UBTD2: variants seen among roughly 807,000 people sequenced by gnomAD.
UBTD2 encodes the protein ubiquitin domain-containing protein 2.
In UBTD2, 9 loss-of-function variants were observed where a neutral mutation model predicts 19.8. The ratio of observed to expected loss-of-function variants is 0.46; its 90% CI spans 0.27 to 0.79. The LOEUF is 0.79. Among genes scored for constraint, UBTD2 ranks in the 30% least tolerant of loss-of-function variants. The pLI, the probability that UBTD2 is intolerant of heterozygous loss-of-function variation, is 0.14. For synonymous variants in UBTD2, 98 were observed against 103.9 expected (o/e 0.94, Z 0.35); for missense variants, 250 against 300.4 (o/e 0.83, Z 1.24).
Position 172,211,905 on chromosome 5 carries a change from C to T in UBTD2, c.630G>A (p.Leu210=), listed in dbSNP as rs140458958. The change falls in exon 3 of 3, where the codon CTG becomes CTA. Residue 210 remains leucine, a synonymous_variant. Transcript: ENST00000393792. ...GTACAACATAGTCCTTTGGGATCTTCAGCTCTTCGAACTTCATTTTGTCAG... is the reference window on the plus strand; with the variant it reads ...GTACAACATAGTCCTTTGGGATCTTTAGCTCTTCGAACTTCATTTTGTCAG... ...PLTDKMKFEE[L]KIPKDYVVQV... 6.1e-4 allele frequency: 977 copies of T among 1,614,108 alleles called. No homozygotes were observed. The highest frequency in any genetic ancestry group is 7.8e-4 in the Non-Finnish European group (926 of 1,180,052).
At chr5:172,252,850 T>C (rs1209057645) in intron 1 of UBTD2, among the ~76,000 whole-genome samples, 1 of 152,196 alleles carries the variant, frequency 6.6e-6, no homozygotes, top group African/African-American at 2.4e-5. Flanking sequence ...TATTGGTATT[T>C]TGGCTTGTGC....
At chr5:172,265,063 T>G (rs1019777027) in intron 1 of UBTD2, among the ~76,000 whole-genome samples, 6 of 152,232 alleles carry the variant, frequency 3.9e-5, no homozygotes, top group Admixed American at 1.3e-4. Flanking sequence ...GAATAGGCTA[T>G]ACATGCAATT....
Position 172,234,156 on chromosome 5 carries a change from T to C in UBTD2, c.273A>G (p.Ala91=), listed in dbSNP as rs199964732. The C allele has an allele frequency of 7.4e-6, 12 of 1,614,180 alleles. No homozygotes were observed. The African/African-American group carries it at 1.5e-4, about 20-fold the overall frequency. ...ATGTTATGTTTGCACCATCAATGAT[T>C]GCTTGTGCCAGTTCATGATCATTGC... ...FESNDHELAQ[A]IIDGANITLP... The change falls in exon 2 of 3, where the codon GCA becomes GCG. Residue 91 remains alanine, a synonymous_variant. Coordinates refer to ENST00000393792, the MANE Select transcript of UBTD2 (RefSeq NM_152277.3).
chr5:172,280,488 C>T (rs1479671772), intron 1 of UBTD2, among the ~76,000 whole-genome samples: 3 of 133,344 alleles, frequency 2.2e-5, no homozygotes, highest in African/African-American at 8.5e-5. Flanking sequence ...GCAGCCTGGG[C>T]GACAGAGCAA....
intron 2 of UBTD2, among the ~76,000 whole-genome samples, chr5:172,227,424 T>C (rs1390972325): frequency 6.6e-6 from 1 of 152,212 alleles, no homozygotes; most frequent in African/African-American, 2.4e-5. Context: ...AGGCCCTGTT[T>C]CATTTCTAAA....
intron 1 of UBTD2, among the ~76,000 whole-genome samples, chr5:172,253,839 A>G (rs7736426): frequency 0.32 from 49,027 of 151,912 alleles, 8,005 homozygotes; most frequent in South Asian, 0.42. Context: ...CTGACAATTG[A>G]TTATGTTAGT....
At chr5:172,255,284 C>T (rs149741866) in intron 1 of UBTD2, 35 of 449,194 alleles carry the variant, frequency 7.8e-5, no homozygotes, top group African/African-American at 6.6e-4. Context: ...CACAGGCCTT[C>T]TAGGGTCTGA....
chr5:172,210,875 G>C lies in UBTD2; in HGVS notation c.*955C>G, dbSNP rs1394097164. On this transcript the variant is annotated 3_prime_UTR_variant, in exon 3 of 3. Coordinates refer to ENST00000393792, the MANE Select transcript of UBTD2 (RefSeq NM_152277.3). ...TCATTTACTTTATTAACTTGAGTGGGAACAGCTATAATTGATTTTGGTGTC... is the reference window on the plus strand; with the variant it reads ...TCATTTACTTTATTAACTTGAGTGGCAACAGCTATAATTGATTTTGGTGTC... 1 of 152,044 alleles carries C rather than the reference G, an allele frequency of 6.6e-6. No individual in the cohort carries two copies. Among genetic ancestry groups the C allele is most frequent in the African/African-American group, 2.4e-5 (1 of 41,380 alleles). The allele number at this position is 152,044 out of a possible 1,614,324, so 9.4% of individuals were successfully genotyped here.
chr5:172,254,586 TG>T, intron 1 of UBTD2: 1 of 643,558 alleles, frequency 1.6e-6, no homozygotes, highest in Non-Finnish European at 2.8e-6. Flanking sequence ...TGCTTTCAAG[TG>T]GGAGCTTTTA....
chr5:172,261,910 C>T (rs1319117559), intron 1 of UBTD2, among the ~76,000 whole-genome samples: 2 of 152,110 alleles, frequency 1.3e-5, no homozygotes, highest in African/African-American at 4.8e-5. Flanking sequence ...AAGCATGACC[C>T]ACCACACCCA....
chr5:172,224,869 A>T (rs931638060), intron 2 of UBTD2, among the ~76,000 whole-genome samples: 2 of 152,262 alleles, frequency 1.3e-5, no homozygotes, highest in African/African-American at 4.8e-5. Context: ...ACAAAAGGGA[A>T]GGAACACTCT....
chr5:172,273,908 C>G (rs1056914270), intron 1 of UBTD2, among the ~76,000 whole-genome samples: 4 of 151,944 alleles, frequency 2.6e-5, no homozygotes, highest in Non-Finnish European at 5.9e-5. Context: ...TTTTTGGTCC[C>G]CTCCCTACAA....
intron 2 of UBTD2, among the ~76,000 whole-genome samples, chr5:172,226,102 C>G (rs1181320071): frequency 6.6e-6 from 1 of 152,038 alleles, no homozygotes; most frequent in African/African-American, 2.4e-5. Context: ...CCAACCCTGG[C>G]AAATTTTTGT....
intron 2 of UBTD2, among the ~76,000 whole-genome samples, chr5:172,218,798 T>TAAAAAAAA (rs58608463): frequency 8.2e-6 from 1 of 121,458 alleles, no homozygotes; most frequent in African/African-American, 3.0e-5. Flanking sequence ...AATAAAAAAA[T>TAAAAAAAA]AAAAAAAAAA....
At chr5:172,273,331 C>T (rs1310474736) in intron 1 of UBTD2, among the ~76,000 whole-genome samples, 1 of 152,070 alleles carries the variant, frequency 6.6e-6, no homozygotes, top group Non-Finnish European at 1.5e-5. Flanking sequence ...TGGCTCACAC[C>T]TGTAATCCCA....
At chr5:172,273,759 T>C (rs558936293) in intron 1 of UBTD2, among the ~76,000 whole-genome samples, 4 of 152,210 alleles carry the variant, frequency 2.6e-5, no homozygotes, top group East Asian at 3.9e-4. Context: ...TGCTAAAACT[T>C]TTCCCAAAGA....
rs745946422 is a variant in UBTD2, at chr5:172,234,146, C to T, written c.283G>A (p.Gly95Ser). 4 of 1,613,988 alleles carry T rather than the reference C, an allele frequency of 2.5e-6. No homozygotes were observed. Among genetic ancestry groups the T allele is most frequent in the South Asian group, 2.2e-5 (2 of 91,076 alleles). The stretch of plus-strand genomic sequence containing the variant: ...CCATGTGGTAATGTTATGTTTGCAC[C>T]ATCAATGATTGCTTGTGCCAGTTCA... ...DHELAQAIIDGANITLPHGAL... is the reference protein window; with the variant it reads ...DHELAQAIIDSANITLPHGAL... Residue 95 changes from glycine (G) to serine (S), a missense_variant, in exon 2 of 3, where the codon GGT becomes AGT. Gly to Ser is a moderately conservative substitution (Grantham distance 56, BLOSUM62 0). Transcript: ENST00000393792.
chr5:172,233,594 CTG>C (rs1183748995), intron 2 of UBTD2, among the ~76,000 whole-genome samples: 3 of 152,164 alleles, frequency 2.0e-5, no homozygotes, highest in Non-Finnish European at 4.4e-5. Flanking sequence ...TCATGGAAAA[CTG>C]TCCTTAAAAA....
chr5:172,245,133 T>C (rs999121120), intron 1 of UBTD2, among the ~76,000 whole-genome samples: 3 of 152,208 alleles, frequency 2.0e-5, no homozygotes, highest in Admixed American at 1.3e-4. Flanking sequence ...AAGGGTACTG[T>C]GGAATATGAG....
Sources: allele counts gnomAD v4.1 joint callset (sites outside exome capture counted in the v4.1 genomes callset), GRCh38; gene constraint gnomAD v4.1.1; transcripts MANE v1.5; gene names NCBI Gene and HGNC (gene_info 2026-07-23, HGNC 2026-07-21).